SEC14L5: variants seen among roughly 807,000 people sequenced by gnomAD.
SEC14L5 encodes the protein SEC14-like protein 5.
In SEC14L5, 96 loss-of-function variants were observed where a neutral mutation model predicts 84.6. The ratio of observed to expected loss-of-function variants is 1.13; its 90% CI spans 0.96 to 1.34. The LOEUF (loss-of-function observed/expected upper bound fraction) is 1.34. Ranked by LOEUF, SEC14L5 falls within the 40% of genes most tolerant of loss-of-function variation. The pLI is 0.00. For missense variants in SEC14L5, 1,224 were observed against 942.5 expected (o/e 1.30, Z -3.91); for synonymous variants, 546 against 383.4 (o/e 1.42, Z -4.95).
At chr16:4,979,930 G>T (rs1033293461) in intron 2 of SEC14L5, among the ~76,000 whole-genome samples, 5 of 152,200 alleles carry the variant, frequency 3.3e-5, no homozygotes, top group African/African-American at 1.2e-4. Flanking sequence ...TGCTTTGCGA[G>T]TTACAGGCCA....
chr16:4,986,251 T>G (rs1365562140), intron 2 of SEC14L5, among the ~76,000 whole-genome samples: 1 of 152,120 alleles, frequency 6.6e-6, no homozygotes, highest in East Asian at 1.9e-4. Flanking sequence ...GTGATTCTTC[T>G]GCCTCAGCTT....
At chr16:4,974,882 A>G (rs956283795) in intron 2 of SEC14L5, among the ~76,000 whole-genome samples, 1 of 151,812 alleles carries the variant, frequency 6.6e-6, no homozygotes, top group Non-Finnish European at 1.5e-5. Flanking sequence ...TATTCAAGCG[A>G]TTCTCCTGCC....
In SEC14L5 at chr16:5,014,917, A is replaced by C. The variant is rs1596649766; in HGVS notation, c.2038A>C (p.Thr680Pro). ...TSGFSQLSAA[T>P]SSSSSGQSHS... The stretch of plus-strand genomic sequence containing the variant: ...CGGCTTCTCCCAGCTCAGCGCCGCC[A>C]CCTCGTCCTCCTCCTCCGGCCAGTC... Residue 680 changes from threonine (T) to proline (P), a missense_variant, in exon 16 of 16, where the codon ACC becomes CCC. Thr to Pro is a conservative substitution (Grantham distance 38). Coordinates refer to ENST00000251170, the MANE Select transcript of SEC14L5 (RefSeq NM_014692.2). 3.1e-6 allele frequency: 5 copies of C among 1,613,100 alleles called. No homozygotes were observed. Among genetic ancestry groups the C allele is most frequent in the Non-Finnish European group, 3.4e-6 (4 of 1,179,850 alleles).
chr16:4,963,460 T>C (rs1955154369), intron 2 of SEC14L5, among the ~76,000 whole-genome samples: 1 of 152,142 alleles, frequency 6.6e-6, no homozygotes, highest in African/African-American at 2.4e-5. Context: ...ATTCTCTTGC[T>C]TCAGCCCCCT....
chr16:4,974,987 A>G (rs189598563), intron 2 of SEC14L5, among the ~76,000 whole-genome samples: 10 of 152,140 alleles, frequency 6.6e-5, no homozygotes, highest in African/African-American at 2.4e-4. Context: ...CATGTTGGCC[A>G]GGCTGGTCTC....
At chr16:4,981,466 C>A (rs774897277) in intron 2 of SEC14L5, among the ~76,000 whole-genome samples, 1 of 151,856 alleles carries the variant, frequency 6.6e-6, no homozygotes, top group Non-Finnish European at 1.5e-5. Flanking sequence ...GTTTGGGAAA[C>A]AGGAGGGAGA....
rs138036649 is a variant in SEC14L5, at chr16:5,010,819, T to C, written c.1801-276T>C. On this transcript the variant is annotated intron_variant, in intron 14 of 15. Coordinates refer to ENST00000251170, the MANE Select transcript of SEC14L5 (RefSeq NM_014692.2). ...AAAAGCCCCACAAAATCCAGGTGTT[T>C]AAGCACCTCTGTTGTCCTGAAGTTG... 94 of 435,202 alleles carry C rather than the reference T, an allele frequency of 2.2e-4. No homozygotes were observed. In the East Asian group the frequency reaches 3.1e-3, roughly 14 times the overall value. The allele number at this position is 435,202 out of a possible 1,614,324, so 27.0% of individuals were successfully genotyped here.
In SEC14L5 at chr16:5,016,679, G is replaced by A. The variant is rs1281093660; in HGVS notation, c.*1709G>A. On this transcript the variant is annotated 3_prime_UTR_variant, in exon 16 of 16. Coordinates refer to ENST00000251170, the MANE Select transcript of SEC14L5 (RefSeq NM_014692.2). ...AGTAACTGAGCCAAGGGGTGGTTTT[G>A]TGGCCACAAGAATCATCTTTATGCA... 6.6e-6 allele frequency: 1 copy of A among 152,204 alleles called. No individual in the cohort carries two copies. The highest frequency in any genetic ancestry group is 1.9e-4 in the East Asian group (1 of 5,188). The allele number at this position is 152,204 out of a possible 1,614,324, so 9.4% of individuals were successfully genotyped here. A position where few individuals can be genotyped will look rare whatever the true frequency, so the allele number is the denominator to read the frequency against.
chr16:4,964,052 T>C (rs1198481933), intron 2 of SEC14L5, among the ~76,000 whole-genome samples: 1 of 152,180 alleles, frequency 6.6e-6, no homozygotes, highest in Admixed American at 6.5e-5. Flanking sequence ...ATTATCTTGG[T>C]AAACAGAGAA....
chr16:4,993,728 T>G (rs923326994), intron 6 of SEC14L5, among the ~76,000 whole-genome samples: 2 of 152,234 alleles, frequency 1.3e-5, no homozygotes, highest in African/African-American at 4.8e-5. Flanking sequence ...AAAGTTTACA[T>G]GCAAGTAAAA....
chr16:4,968,995 G>C (rs1391265442), intron 2 of SEC14L5, among the ~76,000 whole-genome samples: 2 of 152,282 alleles, frequency 1.3e-5, no homozygotes, highest in African/African-American at 4.8e-5. Flanking sequence ...GTTACAGTTG[G>C]ATTCGCTGTT....
chr16:5,014,781 GC>G, intron 15 of SEC14L5, 77 bp from the exon 16 acceptor site: 1 of 1,113,642 alleles, frequency 9.0e-7, no homozygotes, highest in East Asian at 2.4e-5. Context: ...AGCATCAACA[GC>G]TTTTCCACTG....
chr16:4,981,332 G>C (rs560302118), intron 2 of SEC14L5, among the ~76,000 whole-genome samples: 1 of 128,476 alleles, frequency 7.8e-6, no homozygotes, highest in Non-Finnish European at 1.6e-5. Flanking sequence ...GGCTGGTCTT[G>C]AACTCCTGAC....
At chr16:4,973,159 G>T (rs770332537) in intron 2 of SEC14L5, among the ~76,000 whole-genome samples, 40 of 152,198 alleles carry the variant, frequency 2.6e-4, no homozygotes, top group Non-Finnish European at 5.3e-4. Flanking sequence ...AGAGCATCCA[G>T]CTGTCAAGTG....
intron 11 of SEC14L5, among the ~76,000 whole-genome samples, chr16:5,004,935 G>A (rs1032777531): frequency 6.6e-6 from 1 of 152,218 alleles, no homozygotes; most frequent in African/African-American, 2.4e-5. Context: ...CCTCCAACAC[G>A]GAGGGACCTC....
chr16:5,003,794 G>A (rs1340055291), intron 11 of SEC14L5, among the ~76,000 whole-genome samples: 1 of 152,216 alleles, frequency 6.6e-6, no homozygotes, highest in Non-Finnish European at 1.5e-5. Flanking sequence ...GCCAATCCCA[G>A]AACATTTCTG....
intron 10 of SEC14L5, among the ~76,000 whole-genome samples, chr16:5,001,852 G>C (rs558706681): frequency 6.6e-6 from 1 of 151,790 alleles, no homozygotes; most frequent in African/African-American, 2.4e-5. Flanking sequence ...AGCTCACTGC[G>C]GCCTTGACCT....
In SEC14L5 at chr16:4,987,675, T is replaced by G. The variant is rs1181979324; in HGVS notation, c.182T>G (p.Leu61Arg). 10 of 1,541,096 alleles carry G rather than the reference T, an allele frequency of 6.5e-6. No individual in the cohort carries two copies. Among genetic ancestry groups the G allele is most frequent in the Non-Finnish European group, 8.7e-6 (10 of 1,146,620 alleles). The change falls in exon 3 of 16, where the codon CTG becomes CGG. Residue 61 changes from leucine (L) to arginine (R), a missense_variant. Transcript: ENST00000251170. ...CACGTGGTGGAGCGGAGCTGCCGGC[T>G]GCGCGTGGACGCCCCGCGGCTGCTG... is the stretch of plus-strand genomic sequence containing the variant. ...AVHVVERSCR[L>R]RVDAPRLLRK...
chr16:4,987,690 C>G lies in SEC14L5; in HGVS notation c.197C>G (p.Pro66Arg). 1 of 1,530,052 alleles carries G rather than the reference C, an allele frequency of 6.5e-7. No homozygotes were observed. Among genetic ancestry groups the G allele is most frequent in the Non-Finnish European group, 8.8e-7 (1 of 1,142,444 alleles). The allele number at this position is 1,530,052 out of a possible 1,614,324, so 94.8% of individuals were successfully genotyped here. Residue 66 changes from proline to arginine, a missense_variant, in exon 3 of 16, where the codon CCG becomes CGG. Pro to Arg is a moderately radical substitution (Grantham distance 103, BLOSUM62 -2). Coordinates refer to ENST00000251170, the MANE Select transcript of SEC14L5 (RefSeq NM_014692.2). The stretch of plus-strand genomic sequence containing the variant: ...AGCTGCCGGCTGCGCGTGGACGCCC[C>G]GCGGCTGCTGCGGAAGGTGGGCGGC... ...ERSCRLRVDA[P>R]RLLRKIAGVE...
Sources: gnomAD v4.1 joint callset for allele counts (sites outside exome capture counted in the v4.1 genomes callset) on GRCh38, gnomAD v4.1.1 for gene constraint, MANE v1.5 for transcripts, NCBI Gene and HGNC (gene_info 2026-07-23, HGNC 2026-07-21) for gene names.